The following ABLIM2 variants were observed in gnomAD, a reference collection of about 807,000 sequenced individuals.
The protein encoded by ABLIM2 is actin-binding LIM protein 2.
In ABLIM2, 53 loss-of-function variants were observed where a neutral mutation model predicts 97.7. The observed-to-expected ratio is 0.54, with a 90% confidence interval of 0.44 to 0.68. ABLIM2 has a LOEUF of 0.68. Among genes scored for constraint, ABLIM2 ranks in the 30% least tolerant of loss-of-function variants. The pLI, the probability that ABLIM2 is intolerant of heterozygous loss-of-function variation, is 0.00. For synonymous variants in ABLIM2, 361 were observed against 345.8 expected (o/e 1.04, Z -0.49); for missense variants, 835 against 867.2 (o/e 0.96, Z 0.47).
Position 7,966,454 on chromosome 4 carries a change from C to T in ABLIM2, c.*536G>A, listed in dbSNP as rs1723009194. The T allele has an allele frequency of 1.3e-5, 2 of 153,990 alleles. No individual in the cohort carries two copies. Among genetic ancestry groups the T allele is most frequent in the African/African-American group, 2.4e-5 (1 of 41,496 alleles). The allele number at this position is 153,990 out of a possible 1,614,324, so 9.5% of individuals were successfully genotyped here. A position where few individuals can be genotyped will look rare whatever the true frequency, so the allele number is the denominator to read the frequency against. On this transcript the variant is annotated 3_prime_UTR_variant, in exon 21 of 21. Coordinates refer to ENST00000447017, the MANE Select transcript of ABLIM2 (RefSeq NM_001130083.2). Reference sequence around the variant, plus strand: ...CATTTGTCCCTAAAGAGACCCATCACAGACGCCTGCAAAAATCACACACCC... The same window carrying T: ...CATTTGTCCCTAAAGAGACCCATCATAGACGCCTGCAAAAATCACACACCC...
At chr4:8,143,011 G>A (rs1021920607) in intron 1 of ABLIM2, among the ~76,000 whole-genome samples, 1 of 152,104 alleles carries the variant, frequency 6.6e-6, no homozygotes, top group Non-Finnish European at 1.5e-5. Flanking sequence ...CCCTCTGCAG[G>A]CCCCCTCTTC....
Position 8,023,531 on chromosome 4 carries a change from G to T in ABLIM2, c.1268-3228C>A, listed in dbSNP as rs558632783. Reference sequence around the variant, plus strand: ...CTGTCAGCAGAGCGGATCACTGGCCGTGGCGGCCTTGCTGACCGGGTCATG... The same window carrying T: ...CTGTCAGCAGAGCGGATCACTGGCCTTGGCGGCCTTGCTGACCGGGTCATG... On this transcript the variant is annotated intron_variant, in intron 12 of 20. Transcript: ENST00000447017. This position sits in a 1 kb window ranked among gnomAD's most constrained non-coding sequence, Gnocchi z 5.7. Among the ~76,000 whole-genome samples, 1 of 152,348 alleles carries T rather than the reference G, an allele frequency of 6.6e-6. No individual in the cohort carries two copies. The highest frequency in any genetic ancestry group is 1.9e-4 in the East Asian group (1 of 5,176).
At chr4:8,080,167 G>C (rs1251291932) in intron 5 of ABLIM2, among the ~76,000 whole-genome samples, 1 of 152,238 alleles carries the variant, frequency 6.6e-6, no homozygotes, top group African/African-American at 2.4e-5. Context: ...GTCGATGGCA[G>C]CTGCCCCAGG....
chr4:7,984,727 C>T (rs1194947714), intron 18 of ABLIM2, 112 bp downstream of exon 18: 3 of 1,231,528 alleles, frequency 2.4e-6, no homozygotes, highest in East Asian at 2.6e-5. Context: ...CCGCCCGGCA[C>T]TCCCGGAGCC....
chr4:7,981,394 G>T (rs546678609), intron 20 of ABLIM2, among the ~76,000 whole-genome samples: 1 of 152,060 alleles, frequency 6.6e-6, no homozygotes, highest in African/African-American at 2.4e-5. Flanking sequence ...TTTCCAGACC[G>T]AACCAATGTG....
chr4:8,027,822 A>T lies in ABLIM2; in HGVS notation c.1204T>A (p.Ser402Thr). 2 of 1,601,242 alleles carry T rather than the reference A, an allele frequency of 1.2e-6. No individual in the cohort carries two copies. The highest frequency in any genetic ancestry group is 8.5e-7 in the Non-Finnish European group (1 of 1,174,372). Residue 402 changes from serine (S) to threonine (T), a missense_variant, in exon 12 of 21, where the codon TCC becomes ACC. Physicochemically the swap from Ser to Thr is moderately conservative, Grantham distance 58 (BLOSUM62 1). Coordinates refer to ENST00000447017, the MANE Select transcript of ABLIM2 (RefSeq NM_001130083.2). Reference sequence around the variant, plus strand: ...GTAGGGCTTGGGTGTTGGGACAGGGAGAGGCAGCTACTGGTACCCACACTC... The same window carrying T: ...GTAGGGCTTGGGTGTTGGGACAGGGTGAGGCAGCTACTGGTACCCACACTC... Reference protein sequence around the residue: ...TVSVGTSSCLSLSQHPSPTSV... With the variant: ...TVSVGTSSCLTLSQHPSPTSV...
In ABLIM2 at chr4:8,029,780, G is replaced by T; in HGVS notation, c.1048-4C>A. ...AGGACCGGTCATCCTGATCCCCCTG[G>T]GAGGGAAGATGCAGCTTGTGAACAC... On this transcript the variant is annotated splice_polypyrimidine_tract_variant and splice_region_variant and intron_variant, in intron 10 of 20. Transcript: ENST00000447017. 2.5e-6 allele frequency: 4 copies of T among 1,569,724 alleles called. No homozygotes were observed. The highest frequency in any genetic ancestry group is 3.5e-6 in the Non-Finnish European group (4 of 1,157,750).
chr4:7,969,287 C>CTACAAAAAT (rs933308107), intron 20 of ABLIM2, among the ~76,000 whole-genome samples: 2 of 152,050 alleles, frequency 1.3e-5, no homozygotes, highest in African/African-American at 4.8e-5. Context: ...GACTCCATCT[C>CTACAAAAAT]TACAAAAATT....
At chr4:8,117,601 A>G (rs1415149441) in intron 1 of ABLIM2, among the ~76,000 whole-genome samples, 1 of 151,482 alleles carries the variant, frequency 6.6e-6, no homozygotes, top group Non-Finnish European at 1.5e-5. Flanking sequence ...CCACCACTGC[A>G]GCCTTCCTTC....
rs541536110 is a variant in ABLIM2 at position 8,020,141 on chromosome 4, G to A, written c.1369+61C>T. The A allele has an allele frequency of 6.0e-6, 9 of 1,492,444 alleles. No homozygotes were observed. The African/African-American group carries it at 1.2e-4, about 21-fold the overall frequency. 92.5% of individuals were successfully genotyped at this position (1,492,444 alleles called of 1,614,324 possible). On this transcript the variant is annotated intron_variant, in intron 13 of 20. Coordinates refer to ENST00000447017, the MANE Select transcript of ABLIM2 (RefSeq NM_001130083.2). Reference sequence around the variant, plus strand: ...AAGGCAAGCTGACAGTTTGGGTGTGGCCAGTTTCGGTGTGGACAGTTTCAG... The same window carrying A: ...AAGGCAAGCTGACAGTTTGGGTGTGACCAGTTTCGGTGTGGACAGTTTCAG...
rs896125483 is a variant in ABLIM2, at chr4:8,155,769, G to A, written c.10+2911C>T. Among the ~76,000 whole-genome samples the A allele has an allele frequency of 2.3e-5, 3 of 133,036 alleles. No individual in the cohort carries two copies. Among genetic ancestry groups the A allele is most frequent in the Admixed American group, 7.5e-5 (1 of 13,390 alleles). 87.3% of individuals were successfully genotyped at this position (133,036 alleles called of 152,430 possible). A position where few individuals can be genotyped will look rare whatever the true frequency, so the allele number is the denominator to read the frequency against. ...GACACACACAAAGGGAAGACGGGAC[G>A]AGGACACAGACACACACAAAGGGAA... is the stretch of plus-strand genomic sequence containing the variant. On this transcript the variant is annotated intron_variant, in intron 1 of 20. Transcript: ENST00000447017. This position sits in a 1 kb window ranked among gnomAD's most constrained non-coding sequence, Gnocchi z 4.2.
chr4:8,088,333 T>A, intron 3 of ABLIM2, 49 bp from the exon 4 acceptor site: 1 of 1,451,308 alleles, frequency 6.9e-7, no homozygotes, highest in Non-Finnish European at 9.6e-7. Context: ...CTGGCTCCTC[T>A]CTGGGGGAGC....
At chr4:7,991,863 T>C (rs1416528035) in intron 17 of ABLIM2, among the ~76,000 whole-genome samples, 1 of 152,132 alleles carries the variant, frequency 6.6e-6, no homozygotes, top group East Asian at 1.9e-4. Flanking sequence ...CACCCACGGC[T>C]TCTGGAGATG....
rs28486371 is a variant in ABLIM2 at position 7,977,806 on chromosome 4, A to G, written c.1824+5458T>C. On this transcript the variant is annotated intron_variant, in intron 20 of 20. Coordinates refer to ENST00000447017, the MANE Select transcript of ABLIM2 (RefSeq NM_001130083.2). ...ACTCTGTCTCAATAAATAAATAAAT[A>G]AATAAATAAATAAATAAATAAAAGG... Among the ~76,000 whole-genome samples the G allele has an allele frequency of 2.8e-4, 30 of 108,152 alleles. No individual in the cohort carries two copies. In the East Asian group the frequency reaches 2.9e-3, roughly 10 times the overall value. The allele number at this position is 108,152 out of a possible 152,430, so 71.0% of individuals were successfully genotyped here.
intron 16 of ABLIM2, among the ~76,000 whole-genome samples, chr4:7,995,057 C>CA (rs1752299183): frequency 1.2e-5 from 1 of 84,016 alleles, no homozygotes; most frequent in Non-Finnish European, 3.2e-5. Flanking sequence ...TTTATGCAGC[C>CA]AAAAAACACA....
At position 8,071,848 on chromosome 4, in the gene ABLIM2, G is replaced by T. The variant is rs1016059185; in HGVS notation, c.675+5780C>A. On this transcript the variant is annotated intron_variant, in intron 6 of 20. Coordinates refer to ENST00000447017, the MANE Select transcript of ABLIM2 (RefSeq NM_001130083.2). This position sits in a 1 kb window ranked among gnomAD's most constrained non-coding sequence, Gnocchi z 6.2. ...GCTCCCTGGAACGTGTGCCTGCGAGGGTGGACACCCTCACCTTCAGCCAAC... is the reference window on the plus strand; with the variant it reads ...GCTCCCTGGAACGTGTGCCTGCGAGTGTGGACACCCTCACCTTCAGCCAAC... 1.4e-5 allele frequency: 14 copies of T among 985,306 alleles called. No individual in the cohort carries two copies. Among genetic ancestry groups the T allele is most frequent in the Non-Finnish European group, 1.7e-5 (14 of 829,980 alleles). The allele number at this position is 985,306 out of a possible 1,614,324, so 61.0% of individuals were successfully genotyped here.
Position 8,112,714 on chromosome 4 carries a change from T to C in ABLIM2, c.11-6077A>G, listed in dbSNP as rs1434922873. ...ACGGTCCCAGCCCTCGACATTCTCT[T>C]GTTTGTTCCATACCATGCCCCACAG... On this transcript the variant is annotated intron_variant, in intron 1 of 20. Transcript: ENST00000447017. This position sits in a 1 kb window ranked among gnomAD's most constrained non-coding sequence, Gnocchi z 4.2. 6.6e-6 allele frequency among the ~76,000 whole-genome samples: 1 copy of C among 151,686 alleles called. No homozygotes were observed. The highest frequency in any genetic ancestry group is 2.4e-5 in the African/African-American group (1 of 40,986).
chr4:8,018,384 C>A (rs995393221), intron 14 of ABLIM2, among the ~76,000 whole-genome samples: 1 of 152,292 alleles, frequency 6.6e-6, no homozygotes. Context: ...GCCTCAGTTT[C>A]CCCACTTGTA....
rs1433289203 is a variant in ABLIM2 at position 8,072,668 on chromosome 4, G to A, written c.675+4960C>T. 1.3e-5 allele frequency among the ~76,000 whole-genome samples: 2 copies of A among 152,246 alleles called. No individual in the cohort carries two copies. The highest frequency in any genetic ancestry group is 2.4e-5 in the African/African-American group (1 of 41,468). On this transcript the variant is annotated intron_variant, in intron 6 of 20. Transcript: ENST00000447017. The surrounding 1 kb of genome is among the most constrained non-coding windows in gnomAD (Gnocchi z 5.8). ...CGGGCTCCAGTCTGGCTCTGCCACC[G>A]ACTCTCAGTGGCTGATGGCCGGGCA...
Sources: allele counts gnomAD v4.1 joint callset (sites outside exome capture counted in the v4.1 genomes callset), GRCh38; gene constraint gnomAD v4.1.1; non-coding constraint Gnocchi (gnomAD v3.1); transcripts MANE v1.5; gene names NCBI Gene and HGNC (gene_info 2026-07-23, HGNC 2026-07-21).